ZPLD1: variants seen among roughly 807,000 people sequenced by gnomAD.
The protein encoded by ZPLD1 is zona pellucida-like domain-containing protein 1.
Under a neutral mutation model 47.2 loss-of-function variants are expected in ZPLD1, and 34 were observed. The ratio of observed to expected loss-of-function variants is 0.72; its 90% CI spans 0.55 to 0.96. The LOEUF (loss-of-function observed/expected upper bound fraction) is 0.96. Among genes scored for constraint, ZPLD1 ranks in the 40% least tolerant of loss-of-function variants. ZPLD1 has a pLI of 0.00. For synonymous variants in ZPLD1, 176 were observed against 186.2 expected, an observed-to-expected ratio of 0.95 and a Z score of 0.45; for missense variants, 512 against 505.8, an observed-to-expected ratio of 1.01 and a Z score of -0.12.
chr3:102,423,848 A>G (rs2164264), intron 8 of ZPLD1, among the ~76,000 whole-genome samples: 44,223 of 152,026 alleles, frequency 0.29, 7,033 homozygotes, highest in Middle Eastern at 0.42. Context: ...AACATGACCA[A>G]TAAGCAGCGT....
upstream of ZPLD1, among the ~76,000 whole-genome samples, chr3:102,430,401 T>C (rs1015188217): frequency 6.6e-6 from 1 of 152,218 alleles, no homozygotes; most frequent in East Asian, 1.9e-4. Context: ...TTTGCAAACA[T>C]TTTTTAATGT....
chr3:102,426,132 GCACACA>G lies in ZPLD1; in HGVS notation c.-9+7946_-9+7951del, dbSNP rs79509819. ...TTCCTACACACACACACACACACAT[GCACACA>G]CACACACACACACACACACATGCAC... On this transcript the variant is annotated intron_variant, in intron 8 of 17. Transcript: ENST00000491959. Among the ~76,000 whole-genome samples the G allele has an allele frequency of 9.8e-3, 1,407 of 143,088 alleles. 10 individuals are homozygous for G. Among genetic ancestry groups the G allele is most frequent in the Non-Finnish European group, 0.011 (715 of 64,338 alleles). 93.9% of individuals were successfully genotyped at this position (143,088 alleles called of 152,430 possible). A position where few individuals can be genotyped will look rare whatever the true frequency, so the allele number is the denominator to read the frequency against.
At chr3:102,415,469 A>C (rs1040136137) in intron 7 of ZPLD1, among the ~76,000 whole-genome samples, 3 of 151,844 alleles carry the variant, frequency 2.0e-5, no homozygotes, top group African/African-American at 7.2e-5. Flanking sequence ...GTAAAGCAAA[A>C]AAAGGAGCTC....
intron 6 of ZPLD1, among the ~76,000 whole-genome samples, chr3:102,389,928 T>C (rs2107283226): frequency 6.6e-6 from 1 of 152,292 alleles, no homozygotes; most frequent in Admixed American, 6.5e-5. Context: ...GCTTTGGATA[T>C]GTGATGGTGG....
intron 9 of ZPLD1, 113 bp downstream of exon 9, chr3:102,469,248 G>A (rs111390074): frequency 1.4e-5 from 16 of 1,115,994 alleles, no homozygotes; most frequent in African/African-American, 1.3e-4. Context: ...AGATCAAATA[G>A]TTTGAAGTAG....
chr3:102,460,319 G>A (rs1489447853), intron 6 of ZPLD1, among the ~76,000 whole-genome samples: 3 of 151,840 alleles, frequency 2.0e-5, no homozygotes, highest in African/African-American at 4.8e-5. Flanking sequence ...CACTCAGTTC[G>A]ATGTAGCACA....
chr3:102,470,574 G>T, intron 10 of ZPLD1, 72 bp downstream of exon 10: 1 of 1,249,004 alleles, frequency 8.0e-7, no homozygotes. Context: ...CTTCTAACGA[G>T]AACTCAAAGT....
chr3:102,451,711 A>G (rs991337114), intron 3 of ZPLD1, among the ~76,000 whole-genome samples: 3 of 152,100 alleles, frequency 2.0e-5, no homozygotes, highest in Non-Finnish European at 4.4e-5. Context: ...CCTAGCTTCC[A>G]GTGGTTTGCC....
chr3:102,470,496 C>T lies in ZPLD1; in HGVS notation c.1036C>T (p.Arg346Trp), dbSNP rs1326134270. 5.6e-6 allele frequency: 9 copies of T among 1,613,758 alleles called. No homozygotes were observed. The highest frequency in any genetic ancestry group is 7.6e-6 in the Non-Finnish European group (9 of 1,179,752). The change falls in exon 10 of 12, where the codon CGG becomes TGG. Residue 346 changes from arginine to tryptophan, a missense_variant. Arg to Trp is a moderately radical substitution (Grantham distance 101). Coordinates refer to ENST00000466937, the MANE Select transcript of ZPLD1 (RefSeq NM_001329788.2). ...AVLSAGPIIT[R>W]SDETPTNNSQ... is the part of the protein sequence containing the mutation. ...GCTCTCTGCTGGTCCCATCATTACTCGGAGTGGTAAGTGTGCTCCTCCTTC... is the reference window on the plus strand; with the variant it reads ...GCTCTCTGCTGGTCCCATCATTACTTGGAGTGGTAAGTGTGCTCCTCCTTC...
At position 102,470,416 on chromosome 3, in the gene ZPLD1, G is replaced by C; in HGVS notation, c.956G>C (p.Arg319Thr). Residue 319 changes from arginine to threonine, a missense_variant, in exon 10 of 12, where the codon AGA becomes ACA. Coordinates refer to ENST00000466937, the MANE Select transcript of ZPLD1 (RefSeq NM_001329788.2). Reference sequence around the variant, plus strand: ...CAGATTTGCAGCCACAGAGAAAGGAGAGATGCTGGGAGGAGGACGACTTGG... The same window carrying C: ...CAGATTTGCAGCCACAGAGAAAGGACAGATGCTGGGAGGAGGACGACTTGG... ...LMPICSHRERRDAGRRTTWSP... is the reference protein window; with the variant it reads ...LMPICSHRERTDAGRRTTWSP... 1 of 1,614,092 alleles carries C rather than the reference G, an allele frequency of 6.2e-7. No individual in the cohort carries two copies. Among genetic ancestry groups the C allele is most frequent in the Non-Finnish European group, 8.5e-7 (1 of 1,180,010 alleles).
chr3:102,428,350 A>G (rs1303804866), intron 8 of ZPLD1, among the ~76,000 whole-genome samples: 1 of 152,118 alleles, frequency 6.6e-6, no homozygotes, highest in Non-Finnish European at 1.5e-5. Flanking sequence ...GTTCACTATG[A>G]TGTTTTTGAT....
chr3:102,475,626 T>C (rs186513174), intron 10 of ZPLD1, among the ~76,000 whole-genome samples: 110 of 152,302 alleles, frequency 7.2e-4, no homozygotes, highest in Non-Finnish European at 1.2e-3. Flanking sequence ...GAAGGAAGTG[T>C]TATTATAAAG....
In ZPLD1 at chr3:102,474,778, C is replaced by T. The variant is rs533298390; in HGVS notation, c.1043-2234C>T. On this transcript the variant is annotated intron_variant, in intron 10 of 11. Coordinates refer to ENST00000466937, the MANE Select transcript of ZPLD1 (RefSeq NM_001329788.2). ...GCTGCTATCACCTTTCTCCTATAGG[C>T]TTTCAAATAGATAAATATACTCTTG... 1.6e-4 allele frequency among the ~76,000 whole-genome samples: 25 copies of T among 152,164 alleles called. No homozygotes were observed. In the South Asian group the frequency reaches 3.3e-3, roughly 20 times the overall value.
chr3:102,411,217 T>G (rs1706744787), intron 7 of ZPLD1, among the ~76,000 whole-genome samples: 1 of 151,796 alleles, frequency 6.6e-6, no homozygotes, highest in African/African-American at 2.4e-5. Flanking sequence ...AATTGGATTC[T>G]ATTTTTCCAA....
intron 7 of ZPLD1, chr3:102,392,317 A>G (rs1706504979): frequency 6.6e-6 from 1 of 152,240 alleles, no homozygotes; most frequent in African/African-American, 2.4e-5. Flanking sequence ...TTGCAACAAA[A>G]TAACTGAAAC....
In ZPLD1 at chr3:102,403,207, C is replaced by T. The variant is rs563193872; in HGVS notation, c.-157+10982C>T. Among the ~76,000 whole-genome samples the T allele has an allele frequency of 7.9e-5, 12 of 151,648 alleles. No individual in the cohort carries two copies. In the South Asian group the frequency reaches 1.5e-3, roughly 18 times the overall value. ...GGATTTATATTTACTATTGTGGATG[C>T]GATATATTCTGTATGTATTCATATG... On this transcript the variant is annotated intron_variant, in intron 7 of 17. Coordinates refer to the ZPLD1 transcript ENST00000491959.
intron 4 of ZPLD1, among the ~76,000 whole-genome samples, chr3:102,453,693 T>G (rs1707372983): frequency 6.6e-6 from 1 of 152,232 alleles, no homozygotes; most frequent in South Asian, 2.1e-4. Context: ...TTCAAAATGT[T>G]TATCATATCC....
chr3:102,439,406 G>A (rs1408792952), intron 3 of ZPLD1, among the ~76,000 whole-genome samples: 3 of 152,136 alleles, frequency 2.0e-5, no homozygotes, highest in East Asian at 1.9e-4. Flanking sequence ...CTACAACAGA[G>A]CCCACATCAG....
intron 3 of ZPLD1, among the ~76,000 whole-genome samples, chr3:102,449,931 A>G (rs1423535040): frequency 6.6e-6 from 1 of 152,152 alleles, no homozygotes; most frequent in Non-Finnish European, 1.5e-5. Context: ...AGTACCTTAT[A>G]TGATTAATTA....
Sources: gnomAD v4.1 joint callset for allele counts (sites outside exome capture counted in the v4.1 genomes callset) on GRCh38, gnomAD v4.1.1 for gene constraint, MANE v1.5 for transcripts, NCBI Gene and HGNC (gene_info 2026-07-23, HGNC 2026-07-21) for gene names.